SRP54: variants seen among roughly 807,000 people sequenced by gnomAD.
SRP54 encodes the protein signal recognition particle subunit SRP54.
Under a neutral mutation model 64.8 loss-of-function variants are expected in SRP54, and 10 were observed. That is an observed-to-expected ratio of 0.15 (90% confidence interval 0.10 to 0.26). SRP54 has a LOEUF of 0.26. Among genes scored for constraint, SRP54 ranks in the 10% least tolerant of loss-of-function variants. The pLI is 1.00. For missense variants in SRP54, 325 were observed against 613.7 expected, an observed-to-expected ratio of 0.53 and a Z score of 4.97; for synonymous variants, 193 against 185.6, an observed-to-expected ratio of 1.04 and a Z score of -0.32.
intron 2 of SRP54, among the ~76,000 whole-genome samples, chr14:34,998,967 G>T (rs1442100462): frequency 2.5e-5 from 2 of 78,820 alleles, no homozygotes; most frequent in Non-Finnish European, 6.3e-5. Flanking sequence ...TTATTACTTT[G>T]TGTGTATGTG....
At chr14:34,984,154 T>C (rs1348449919) in intron 1 of SRP54, among the ~76,000 whole-genome samples, 2 of 152,230 alleles carry the variant, frequency 1.3e-5, no homozygotes, top group African/African-American at 2.4e-5. Flanking sequence ...TCTACCTTAA[T>C]ATAGAGTACT....
At chr14:35,015,913 A>G (rs2044430882) in intron 11 of SRP54, among the ~76,000 whole-genome samples, 1 of 152,188 alleles carries the variant, frequency 6.6e-6, no homozygotes, top group Admixed American at 6.6e-5. Context: ...TTTCATAGAC[A>G]TCTCAAATTC....
intron 1 of SRP54, among the ~76,000 whole-genome samples, chr14:34,985,201 C>T (rs899427446): frequency 1.6e-4 from 24 of 152,238 alleles, no homozygotes; most frequent in East Asian, 1.5e-3. Flanking sequence ...GGCTTAGTGG[C>T]GCCGCCTGTA....
At chr14:34,988,698 G>T (rs1310155657) in intron 1 of SRP54, among the ~76,000 whole-genome samples, 1 of 148,992 alleles carries the variant, frequency 6.7e-6, no homozygotes, top group Non-Finnish European at 1.5e-5. Flanking sequence ...GAACACATAT[G>T]CTGTGCAGAA....
chr14:35,017,997 C>G (rs2139015637), intron 11 of SRP54, among the ~76,000 whole-genome samples: 1 of 152,252 alleles, frequency 6.6e-6, no homozygotes, highest in Middle Eastern at 3.4e-3. Flanking sequence ...CATAACTACT[C>G]TGGAGACTGA....
At chr14:34,988,686 G>C (rs1366463382) in intron 1 of SRP54, among the ~76,000 whole-genome samples, 2 of 148,754 alleles carry the variant, frequency 1.3e-5, no homozygotes, top group Non-Finnish European at 3.0e-5. Context: ...GTCCTAGACT[G>C]TGAACACATA....
At chr14:34,988,803 T>G (rs4511444) in intron 1 of SRP54, among the ~76,000 whole-genome samples, 12,644 of 151,662 alleles carry the variant, frequency 0.083, 626 homozygotes, top group Non-Finnish European at 0.12. Flanking sequence ...TCTCTTGCTA[T>G]CTGGGGGGGA....
chr14:34,988,552 C>T (rs1484406467), intron 1 of SRP54, among the ~76,000 whole-genome samples: 1 of 24,252 alleles, frequency 4.1e-5, no homozygotes, highest in African/African-American at 9.4e-5. Flanking sequence ...CAGAGTGAGA[C>T]TCCATCTCAA....
At chr14:35,024,973 C>T (rs759464641) in intron 14 of SRP54, among the ~76,000 whole-genome samples, 2 of 152,118 alleles carry the variant, frequency 1.3e-5, no homozygotes, top group Non-Finnish European at 2.9e-5. Context: ...TCAAGTGATT[C>T]GCCCGCCTTA....
intron 3 of SRP54, 178 bp downstream of exon 3, chr14:34,999,827 G>T: frequency 6.9e-6 from 3 of 434,890 alleles, no homozygotes; most frequent in African/African-American, 2.0e-5. Flanking sequence ...CCATAATGAT[G>T]GTTCAAAGAA....
chr14:35,002,360 A>C (rs75543421), intron 4 of SRP54, among the ~76,000 whole-genome samples: 27,766 of 152,090 alleles, frequency 0.18, 2,675 homozygotes, highest in East Asian at 0.31. Flanking sequence ...TCTTTAAAAA[A>C]AAACAAACAA....
chr14:34,993,002 G>A (rs905958981), intron 1 of SRP54, among the ~76,000 whole-genome samples: 16 of 151,994 alleles, frequency 1.1e-4, no homozygotes, highest in African/African-American at 9.7e-5. Flanking sequence ...TGGGACTACC[G>A]GAGTGCACCA....
rs1016952037 is a variant in SRP54 at position 34,983,075 on chromosome 14, T to C, written c.-174T>C. ...GTGGTGCTGGGCGTTGGGACCCTACTTTATCTAGTTCGGGAAGTTGGGTTG... is the reference window on the plus strand; with the variant it reads ...GTGGTGCTGGGCGTTGGGACCCTACCTTATCTAGTTCGGGAAGTTGGGTTG... On this transcript the variant is annotated 5_prime_UTR_variant, in exon 1 of 16. Coordinates refer to ENST00000216774, the MANE Select transcript of SRP54 (RefSeq NM_003136.4). 6.6e-6 allele frequency: 1 copy of C among 152,272 alleles called. No homozygotes were observed. The highest frequency in any genetic ancestry group is 1.5e-5 in the Non-Finnish European group (1 of 68,086). The allele number at this position is 152,272 out of a possible 1,614,324, so 9.4% of individuals were successfully genotyped here. A position where few individuals can be genotyped will look rare whatever the true frequency, so the allele number is the denominator to read the frequency against.
Position 35,029,163 on chromosome 14 carries a change from T to A in SRP54, c.*11T>A. The A allele has an allele frequency of 6.2e-7, 1 of 1,610,246 alleles. No individual in the cohort carries two copies. Among genetic ancestry groups the A allele is most frequent in the Non-Finnish European group, 8.5e-7 (1 of 1,177,464 alleles). On this transcript the variant is annotated 3_prime_UTR_variant, in exon 16 of 16. Transcript: ENST00000216774. ...TTCAATAATATGTAAAGAAAATGCC[T>A]TAATATAAACTGACTCAGTTGAATA... is the stretch of plus-strand genomic sequence containing the variant.
chr14:35,022,658 A>C (rs1380814105), intron 13 of SRP54, among the ~76,000 whole-genome samples: 2 of 152,120 alleles, frequency 1.3e-5, no homozygotes, highest in African/African-American at 4.8e-5. Context: ...CCTGGCCTCC[A>C]TGTTTAATTT....
intron 4 of SRP54, among the ~76,000 whole-genome samples, chr14:35,005,131 A>G (rs1410180735): frequency 6.6e-6 from 1 of 152,176 alleles, no homozygotes. Context: ...CAAGAGTTCA[A>G]AACCAGTCTG....
intron 14 of SRP54, among the ~76,000 whole-genome samples, chr14:35,024,706 A>G (rs1321591597): frequency 6.8e-6 from 1 of 146,890 alleles, no homozygotes; most frequent in East Asian, 2.0e-4. Flanking sequence ...AACCTTCTCC[A>G]TGTTGATACC....
chr14:35,018,162 G>A (rs576989560), intron 11 of SRP54, among the ~76,000 whole-genome samples: 1 of 152,172 alleles, frequency 6.6e-6, no homozygotes, highest in African/African-American at 2.4e-5. Context: ...CTTTGACTAA[G>A]CATATTTTGA....
chr14:35,021,614 C>T (rs966810325), intron 13 of SRP54, among the ~76,000 whole-genome samples: 1 of 149,006 alleles, frequency 6.7e-6, no homozygotes, highest in African/African-American at 2.5e-5. Flanking sequence ...GCCTGAGGGA[C>T]AGAGCAACAC....
Sources: allele counts gnomAD v4.1 joint callset (sites outside exome capture counted in the v4.1 genomes callset), GRCh38; gene constraint gnomAD v4.1.1; transcripts MANE v1.5; gene names NCBI Gene and HGNC (gene_info 2026-07-23, HGNC 2026-07-21).